TRDMT1: variants seen among roughly 807,000 people sequenced by gnomAD.
TRDMT1 encodes tRNA (cytosine(38)-C(5))-methyltransferase.
In TRDMT1, 49 loss-of-function variants were observed where a neutral mutation model predicts 51.2. The observed-to-expected ratio is 0.96, with a 90% CI of 0.76 to 1.21. TRDMT1 has a LOEUF of 1.21. Among genes scored for constraint, TRDMT1 ranks in the 50% most tolerant of loss-of-function variants. The pLI is 0.00. For missense variants in TRDMT1, 534 were observed against 462.3 expected, an observed-to-expected ratio of 1.16 and a Z score of -1.42; for synonymous variants, 187 against 164.6, an observed-to-expected ratio of 1.14 and a Z score of -1.04.
At position 17,157,554 on chromosome 10, in the gene TRDMT1, T is replaced by G. The variant is rs1042633261; in HGVS notation, c.774A>C (p.Glu258Asp). ...GATACTGGTTCACGTCAGTGTCATC[T>G]TCAAGAAAATCTTTTAGCATTTTCA... ...LSVKMLKDFL[E>D]DDTDVNQYLL... The change falls in exon 8 of 11, where the codon GAA becomes GAC. Residue 258 changes from glutamate (E) to aspartate (D), a missense_variant. Transcript: ENST00000377799. 3 of 1,614,108 alleles carry G rather than the reference T, an allele frequency of 1.9e-6. No homozygotes were observed. The highest frequency in any genetic ancestry group is 2.5e-6 in the Non-Finnish European group (3 of 1,179,960).
intron 3 of TRDMT1, among the ~76,000 whole-genome samples, chr10:17,168,184 T>C (rs1250405092): frequency 6.6e-6 from 1 of 152,096 alleles, no homozygotes; most frequent in African/African-American, 2.4e-5. Flanking sequence ...ATACCTTTAG[T>C]CCCAGCTACT....
Position 17,143,992 on chromosome 10 carries a change from G to T in TRDMT1, c.*5048C>A. 1 of 985,418 alleles carries T rather than the reference G, an allele frequency of 1.0e-6. No individual in the cohort carries two copies. The highest frequency in any genetic ancestry group is 1.2e-6 in the Non-Finnish European group (1 of 829,932). The allele number at this position is 985,418 out of a possible 1,614,324, so 61.0% of individuals were successfully genotyped here. A position where few individuals can be genotyped will look rare whatever the true frequency, so the allele number is the denominator to read the frequency against. On this transcript the variant is annotated 3_prime_UTR_variant, in exon 11 of 11. Transcript: ENST00000377799. Reference sequence around the variant, plus strand: ...TCCCAGCATGAAGATTCTAGAATAGGACTTAGGAAAACAGCAGATTTAGAG... The same window carrying T: ...TCCCAGCATGAAGATTCTAGAATAGTACTTAGGAAAACAGCAGATTTAGAG...
intron 1 of TRDMT1, 92 bp downstream of exon 1, chr10:17,201,479 C>CACAGTG: frequency 2.3e-5 from 31 of 1,372,718 alleles, no homozygotes; most frequent in Non-Finnish European, 3.0e-5. Flanking sequence ...GTGTCCGCCC[C>CACAGTG]TTGCGTCTCG....
intron 1 of TRDMT1, 161 bp downstream of exon 1, chr10:17,201,410 C>A (rs1846144681): frequency 1.6e-6 from 1 of 643,538 alleles, no homozygotes; most frequent in African/African-American, 1.9e-5. Flanking sequence ...GTGGACACGG[C>A]GGCGCGCAGG....
chr10:17,160,865 A>G (rs1840255729), intron 5 of TRDMT1, among the ~76,000 whole-genome samples: 1 of 152,206 alleles, frequency 6.6e-6, no homozygotes, highest in South Asian at 2.1e-4. Flanking sequence ...CAGAAATAAT[A>G]TTGAATCAAA....
At chr10:17,159,782 C>A (rs1490773803) in intron 6 of TRDMT1, among the ~76,000 whole-genome samples, 40 of 151,902 alleles carry the variant, frequency 2.6e-4, no homozygotes, top group Admixed American at 2.6e-3. Flanking sequence ...CTAACAAGAA[C>A]AATAACAAAA....
chr10:17,201,091 C>T (rs577634039), intron 1 of TRDMT1, among the ~76,000 whole-genome samples: 1 of 152,160 alleles, frequency 6.6e-6, no homozygotes, highest in Non-Finnish European at 1.5e-5. Flanking sequence ...TTAGCATTCG[C>T]AAACTTCTAC....
At position 17,140,899 on chromosome 10, in the gene TRDMT1, A is replaced by G. The variant is rs1395200495; in HGVS notation, c.*8141T>C. On this transcript the variant is annotated 3_prime_UTR_variant, in exon 11 of 11. Coordinates refer to ENST00000377799, the MANE Select transcript of TRDMT1 (RefSeq NM_004412.7). The stretch of plus-strand genomic sequence containing the variant: ...AGGTGTCTTCCTTTCATCTTTGATT[A>G]TTTCACATATCAGATAAGCCTAATT... Among the ~76,000 whole-genome samples, 4 of 152,196 alleles carry G rather than the reference A, an allele frequency of 2.6e-5. No individual in the cohort carries two copies. The highest frequency in any genetic ancestry group is 3.9e-4 in the East Asian group (2 of 5,186).
chr10:17,167,499 T>G (rs1210779208), intron 3 of TRDMT1, among the ~76,000 whole-genome samples: 4 of 152,176 alleles, frequency 2.6e-5, no homozygotes, highest in Non-Finnish European at 4.4e-5. Flanking sequence ...CACAGACACT[T>G]AGAGGATTAC....
chr10:17,175,938 A>C (rs1322261816), intron 1 of TRDMT1, among the ~76,000 whole-genome samples: 1 of 152,220 alleles, frequency 6.6e-6, no homozygotes, highest in Non-Finnish European at 1.5e-5. Context: ...TGCGTGCTGC[A>C]AACTTGGTGG....
At chr10:17,200,640 AGC>A (rs1402215398) in intron 1 of TRDMT1, 1 of 163,690 alleles carries the variant, frequency 6.1e-6, no homozygotes, top group East Asian at 1.9e-4. Context: ...CTGTATCCCC[AGC>A]TCCTAGCACA....
At position 17,153,488 on chromosome 10, in the gene TRDMT1, C is replaced by A; in HGVS notation, c.1075+19G>T. The A allele has an allele frequency of 1.9e-6, 3 of 1,613,144 alleles. No individual in the cohort carries two copies. Among genetic ancestry groups the A allele is most frequent in the Non-Finnish European group, 2.5e-6 (3 of 1,179,654 alleles). On this transcript the variant is annotated intron_variant, in intron 10 of 10. Coordinates refer to ENST00000377799, the MANE Select transcript of TRDMT1 (RefSeq NM_004412.7). The stretch of plus-strand genomic sequence containing the variant: ...AGTTTTAATACATGAAAGCTGAATT[C>A]TGCACGTATCCCACATACCGAACTC...
In TRDMT1 at chr10:17,158,097, AAAG is replaced by A. The variant is rs151170254; in HGVS notation, c.544-316_544-314del. 1.9e-3 allele frequency among the ~76,000 whole-genome samples: 286 copies of A among 152,290 alleles called. 1 individual carries two copies. Among genetic ancestry groups the A allele is most frequent in the Non-Finnish European group, 1.7e-3 (118 of 67,976 alleles). ...AAATCATATTTGTATCTTATTTGGA[AAAG>A]AAGTTTAGAAAGCAACACTAACATT... On this transcript the variant is annotated intron_variant, in intron 7 of 10. Transcript: ENST00000377799.
At position 17,153,611 on chromosome 10, in the gene TRDMT1, G is replaced by A. The variant is rs1839084945; in HGVS notation, c.971C>T (p.Thr324Ile). The A allele has an allele frequency of 7.5e-6, 12 of 1,600,378 alleles. No individual in the cohort carries two copies. In the East Asian group the frequency reaches 2.2e-4, roughly 30 times the overall value. Reference protein sequence around the residue: ...VQVENIYKSLTNLSQEEQITK... With the variant: ...VQVENIYKSLINLSQEEQITK... ...TATCTGTTCTTCTTGTGACAAATTG[G>A]TAAGGGATTTGTAGATATTCTCAAC... Residue 324 changes from threonine to isoleucine, a missense_variant, in exon 10 of 11, where the codon ACC (threonine) becomes ATC (isoleucine). Transcript: ENST00000377799.
At chr10:17,154,762 G>A in intron 8 of TRDMT1, 28 bp from the exon 9 acceptor site, 1 of 1,581,784 alleles carries the variant, frequency 6.3e-7, no homozygotes, top group Admixed American at 1.8e-5. Flanking sequence ...CAATTATGCA[G>A]CACCTGATGT....
intron 3 of TRDMT1, among the ~76,000 whole-genome samples, chr10:17,163,349 A>C (rs1486786317): frequency 1.3e-5 from 2 of 152,098 alleles, no homozygotes; most frequent in Admixed American, 1.3e-4. Flanking sequence ...CAGCAGGAAC[A>C]GAGGACCAGG....
chr10:17,157,917 G>T (rs1044465488), intron 7 of TRDMT1, 133 bp from the exon 8 acceptor site: 2 of 665,612 alleles, frequency 3.0e-6, no homozygotes. Context: ...TAGAAATTGT[G>T]GTTTACTTGT....
Position 17,145,624 on chromosome 10 carries a change from T to A in TRDMT1, c.*3416A>T. The stretch of plus-strand genomic sequence containing the variant: ...GCCAAATTATGACAAGGTAACCTGT[T>A]CATAACATAAGCAATTCAGGAAAAC... On this transcript the variant is annotated 3_prime_UTR_variant, in exon 11 of 11. Transcript: ENST00000377799. The A allele has an allele frequency of 2.0e-6, 2 of 985,430 alleles. No individual in the cohort carries two copies. Among genetic ancestry groups the A allele is most frequent in the Middle Eastern group, 5.2e-4 (1 of 1,914 alleles). 61.0% of individuals were successfully genotyped at this position (985,430 alleles called of 1,614,324 possible).
chr10:17,151,919 GGGC>G (rs1186649301), intron 10 of TRDMT1: 3 of 1,148,942 alleles, frequency 2.6e-6, no homozygotes, highest in Non-Finnish European at 3.3e-6. Flanking sequence ...GGTTAAGGTG[GGGC>G]TGGGATATGA....
Sources: allele counts gnomAD v4.1 joint callset (sites outside exome capture counted in the v4.1 genomes callset), GRCh38; gene constraint gnomAD v4.1.1; transcripts MANE v1.5; gene names NCBI Gene and HGNC (gene_info 2026-07-23, HGNC 2026-07-21).